Variants in USP53 observed in about 807,000 individuals in gnomAD.
USP53 encodes the protein ubiquitin carboxyl-terminal hydrolase 53.
USP53 carries 71 observed loss-of-function variants against 94.9 expected under a neutral mutation model. The observed-to-expected ratio is 0.75, with a 90% CI of 0.62 to 0.91. The LOEUF (loss-of-function observed/expected upper bound fraction) is 0.91, where lower values mean the gene tolerates loss of function less well. Among genes scored for constraint, USP53 ranks in the 40% least tolerant of loss-of-function variants. The pLI is 0.00. For synonymous variants in USP53, 375 were observed against 422.7 expected, an observed-to-expected ratio of 0.89 and a Z score of 1.39; for missense variants, 1,173 against 1,281.0, an observed-to-expected ratio of 0.92 and a Z score of 1.29.
chr4:119,216,491 C>CT (rs1743775357), intron 2 of USP53, among the ~76,000 whole-genome samples: 2 of 151,944 alleles, frequency 1.3e-5, no homozygotes, highest in Admixed American at 1.3e-4. Flanking sequence ...CTTTATCTTT[C>CT]TTTCTGATCC....
chr4:119,267,617 T>A, intron 13 of USP53, 135 bp downstream of exon 13: 2 of 1,039,828 alleles, frequency 1.9e-6, no homozygotes, highest in Non-Finnish European at 2.6e-6. Flanking sequence ...GAAATTTTAG[T>A]AATTTTTGTT....
rs140616382 is a variant in USP53 at position 119,268,996 on chromosome 4, C to T, written c.1288+576C>T. On this transcript the variant is annotated intron_variant, in intron 14 of 18. Coordinates refer to ENST00000692078, the MANE Select transcript of USP53 (RefSeq NM_001371395.1). ...TGTTCAGGATGATTTTGTTAGCAAC[C>T]TTTAAACATATTAATGAAATAATGT... 8.1e-4 allele frequency among the ~76,000 whole-genome samples: 124 copies of T among 152,198 alleles called. 1 individual carries two copies. Among genetic ancestry groups the T allele is most frequent in the African/African-American group, 2.9e-3 (122 of 41,526 alleles).
chr4:119,252,809 C>T (rs1433763662), intron 7 of USP53, among the ~76,000 whole-genome samples: 1 of 152,044 alleles, frequency 6.6e-6, no homozygotes, highest in Non-Finnish European at 1.5e-5. Flanking sequence ...TTCTCTTGTT[C>T]CTTTAATTAT....
intron 5 of USP53, among the ~76,000 whole-genome samples, chr4:119,241,217 T>C (rs1196972001): frequency 6.6e-6 from 1 of 152,172 alleles, no homozygotes; most frequent in Non-Finnish European, 1.5e-5. Context: ...ATCAAAACAT[T>C]GAGAAGTATT....
intron 12 of USP53, among the ~76,000 whole-genome samples, chr4:119,265,625 C>G (rs1751027619): frequency 6.6e-6 from 1 of 151,914 alleles, no homozygotes; most frequent in South Asian, 2.1e-4. Flanking sequence ...GAGCCGAGAC[C>G]GTGCCACTGA....
chr4:119,267,837 C>A (rs563241136), intron 13 of USP53, among the ~76,000 whole-genome samples: 2 of 152,306 alleles, frequency 1.3e-5, no homozygotes, highest in East Asian at 3.9e-4. Flanking sequence ...TAAATGATGT[C>A]AATCCGCTTA....
intron 18 of USP53, 60 bp from the exon 19 acceptor site, chr4:119,292,278 C>A: frequency 1.1e-5 from 16 of 1,437,880 alleles, no homozygotes; most frequent in Non-Finnish European, 1.5e-5. Flanking sequence ...TGTTTATTTT[C>A]CCCTAGTTTC....
At position 119,267,441 on chromosome 4, in the gene USP53, T is replaced by C. The variant is rs1448488787; in HGVS notation, c.1094T>C (p.Val365Ala). ...AVSTEDALRQ[V>A]ISWSHYKSVA... is the part of the protein sequence containing the mutation. ...TCTACTGAGGATGCACTCAGGCAGG[T>C]CATCAGCTGGTCACATTACAAATCT... Residue 365 changes from valine (V) to alanine (A), a missense_variant, in exon 13 of 19, where the codon GTC (valine) becomes GCC (alanine). By Grantham distance (64) the Val-to-Ala change is moderately conservative. Coordinates refer to ENST00000692078, the MANE Select transcript of USP53 (RefSeq NM_001371395.1). The C allele has an allele frequency of 3.7e-6, 6 of 1,613,784 alleles. No homozygotes were observed. The highest frequency in any genetic ancestry group is 4.2e-6 in the Non-Finnish European group (5 of 1,179,934).
At chr4:119,261,269 T>C (rs1750490512) in intron 11 of USP53, among the ~76,000 whole-genome samples, 1 of 152,132 alleles carries the variant, frequency 6.6e-6, no homozygotes, top group Non-Finnish European at 1.5e-5. Context: ...CCATGATCTC[T>C]TGTTATGCTT....
Position 119,284,088 on chromosome 4 carries a change from A to G in USP53, c.2252-7077A>G, listed in dbSNP as rs1170566965. Among the ~76,000 whole-genome samples, 4 of 151,986 alleles carry G rather than the reference A, an allele frequency of 2.6e-5. No individual in the cohort carries two copies. In the East Asian group the frequency reaches 7.7e-4, roughly 29 times the overall value. The stretch of plus-strand genomic sequence containing the variant: ...TGGAGATGGGGTTATCAAAGGAAAA[A>G]CAGAGAAGTGTAGATCTTTCAGGGG... On this transcript the variant is annotated intron_variant, in intron 17 of 18. Transcript: ENST00000692078.
chr4:119,236,744 T>G (rs992991826), intron 4 of USP53, among the ~76,000 whole-genome samples: 21 of 152,230 alleles, frequency 1.4e-4, no homozygotes, highest in African/African-American at 5.1e-4. Flanking sequence ...GTTCTCTTGC[T>G]GTTTACATCC....
intron 7 of USP53, among the ~76,000 whole-genome samples, chr4:119,255,292 A>G (rs1423874069): frequency 6.6e-6 from 1 of 152,196 alleles, no homozygotes; most frequent in Non-Finnish European, 1.5e-5. Flanking sequence ...AGTCTGCAGA[A>G]GCTGTCTGCT....
chr4:119,260,286 C>T (rs1351771696), intron 10 of USP53, among the ~76,000 whole-genome samples: 1 of 151,802 alleles, frequency 6.6e-6, no homozygotes, highest in Non-Finnish European at 1.5e-5. Context: ...AGGTTGAATT[C>T]TTACTTTAAC....
chr4:119,241,350 A>T (rs1747508155), intron 5 of USP53, among the ~76,000 whole-genome samples: 1 of 152,176 alleles, frequency 6.6e-6, no homozygotes, highest in Admixed American at 6.5e-5. Context: ...GCATAGATCC[A>T]CATTCCATCT....
chr4:119,261,765 T>G lies in USP53; in HGVS notation c.873T>G (p.Leu291=), dbSNP rs61758375. Residue 291 remains leucine (L), a synonymous_variant, in exon 12 of 19, where the codon CTT becomes CTG. Coordinates refer to ENST00000692078, the MANE Select transcript of USP53 (RefSeq NM_001371395.1). The stretch of plus-strand genomic sequence containing the variant: ...ATGCCAAAAATAGTGAACTTAACCT[T>G]GTTGGTATGATCTGCTACACCAGCC... ...DENAKNSELN[L]VGMICYTSQH... The G allele has an allele frequency of 1.6e-3, 2,488 of 1,559,904 alleles. 38 individuals carry two copies. The African/African-American group carries it at 0.029, about 18-fold the overall frequency.
intron 6 of USP53, among the ~76,000 whole-genome samples, chr4:119,246,771 G>A (rs948667847): frequency 7.9e-5 from 12 of 152,062 alleles, no homozygotes; most frequent in African/African-American, 2.7e-4. Context: ...GCTCTGCTGA[G>A]GAAAATAGAA....
chr4:119,263,666 G>T (rs570794420), intron 12 of USP53, among the ~76,000 whole-genome samples: 11 of 152,144 alleles, frequency 7.2e-5, no homozygotes, highest in Non-Finnish European at 1.5e-4. Flanking sequence ...AGAGTGGAGA[G>T]ATGATATAAC....
At chr4:119,238,497 A>G (rs924742557) in intron 4 of USP53, among the ~76,000 whole-genome samples, 12 of 152,342 alleles carry the variant, frequency 7.9e-5, no homozygotes, top group African/African-American at 2.9e-4. Flanking sequence ...AAGATAACTT[A>G]TCACAGATCA....
intron 3 of USP53, among the ~76,000 whole-genome samples, chr4:119,224,648 CTG>C (rs1334487034): frequency 6.6e-6 from 1 of 152,204 alleles, no homozygotes; most frequent in African/African-American, 2.4e-5. Context: ...AGAGGAAACT[CTG>C]GCAATCTGCA....
Sources: allele counts gnomAD v4.1 joint callset (sites outside exome capture counted in the v4.1 genomes callset), GRCh38; gene constraint gnomAD v4.1.1; transcripts MANE v1.5; gene names NCBI Gene and HGNC (gene_info 2026-07-23, HGNC 2026-07-21).